Variants in ELOVL7 observed in about 807,000 individuals in gnomAD.
The protein encoded by ELOVL7 is ELOVL fatty acid elongase 7.
A neutral mutation model predicts 35.7 loss-of-function variants in ELOVL7; 27 were observed. That is an observed-to-expected ratio of 0.76 (90% CI 0.56 to 1.04). The LOEUF is 1.04. Among genes scored for constraint, ELOVL7 ranks in the 50% least tolerant of loss-of-function variants. The probability of loss-of-function intolerance (pLI) is 0.00; values close to 1 mark genes in which losing one functional copy is unlikely to be tolerated. For missense variants in ELOVL7, 327 were observed against 340.8 expected (o/e 0.96, Z 0.32); for synonymous variants, 113 against 114.6 (o/e 0.99, Z 0.09).
chr5:60,814,683 C>A (rs1745420407), intron 1 of ELOVL7, among the ~76,000 whole-genome samples: 1 of 152,126 alleles, frequency 6.6e-6, no homozygotes, highest in Non-Finnish European at 1.5e-5. Context: ...AAGGAACTTG[C>A]CCCAGATCAC....
intron 3 of ELOVL7, among the ~76,000 whole-genome samples, chr5:60,780,563 T>C (rs1459206777): frequency 1.3e-5 from 2 of 152,152 alleles, no homozygotes; most frequent in African/African-American, 4.8e-5. Flanking sequence ...ACTGTATTAG[T>C]CCATTCTCAC....
intron 1 of ELOVL7, among the ~76,000 whole-genome samples, chr5:60,842,149 G>T (rs1194418300): frequency 6.6e-6 from 1 of 152,198 alleles, no homozygotes; most frequent in Admixed American, 6.5e-5. Flanking sequence ...GCAGAGAAGG[G>T]CATATGTGTT....
chr5:60,820,930 T>A (rs529702277), intron 1 of ELOVL7, among the ~76,000 whole-genome samples: 21 of 152,314 alleles, frequency 1.4e-4, no homozygotes, highest in Non-Finnish European at 2.9e-4. Context: ...CTGATAAGTC[T>A]GTCTTGTGTT....
At chr5:60,820,064 C>T (rs1745798671) in intron 1 of ELOVL7, among the ~76,000 whole-genome samples, 1 of 152,196 alleles carries the variant, frequency 6.6e-6, no homozygotes, top group Non-Finnish European at 1.5e-5. Context: ...TGCAACTTTG[C>T]TGGCTCTGGG....
intron 3 of ELOVL7, among the ~76,000 whole-genome samples, chr5:60,784,900 G>T (rs1743480716): frequency 6.6e-6 from 1 of 152,144 alleles, no homozygotes; most frequent in African/African-American, 2.4e-5. Flanking sequence ...TATATGAAGA[G>T]AATTTTCAGA....
chr5:60,814,962 A>C (rs554033938), intron 1 of ELOVL7, among the ~76,000 whole-genome samples: 1 of 152,316 alleles, frequency 6.6e-6, no homozygotes, highest in African/African-American at 2.4e-5. Context: ...GAAAAACATC[A>C]CATGAACTAC....
At chr5:60,840,189 AAGAGG>A (rs1451370156) in intron 1 of ELOVL7, among the ~76,000 whole-genome samples, 1 of 152,168 alleles carries the variant, frequency 6.6e-6, no homozygotes, top group Non-Finnish European at 1.5e-5. Context: ...GTGTGCCCCA[AAGAGG>A]ATATGTTGAA....
chr5:60,812,031 C>T (rs142919394), intron 1 of ELOVL7, among the ~76,000 whole-genome samples: 1,590 of 152,168 alleles, frequency 0.01, 21 homozygotes, highest in Non-Finnish European at 0.017. Context: ...GCCTGGACAA[C>T]ACAGGGAGAC....
chr5:60,762,824 T>C (rs1742008917), intron 7 of ELOVL7, among the ~76,000 whole-genome samples: 1 of 152,202 alleles, frequency 6.6e-6, no homozygotes, highest in South Asian at 2.1e-4. Flanking sequence ...ATTTAATACA[T>C]CTGAATATCA....
chr5:60,827,386 A>G (rs1746232633), intron 1 of ELOVL7, among the ~76,000 whole-genome samples: 1 of 152,208 alleles, frequency 6.6e-6, no homozygotes, highest in African/African-American at 2.4e-5. Flanking sequence ...CTGAACATCA[A>G]CAAACAAAAA....
Position 60,757,522 on chromosome 5 carries a change from G to A in ELOVL7, c.623C>T (p.Thr208Ile). Residue 208 changes from threonine (T) to isoleucine (I), a missense_variant, in exon 8 of 9, where the codon ACA (threonine) becomes ATA (isoleucine). Coordinates refer to ENST00000508821, the MANE Select transcript of ELOVL7 (RefSeq NM_024930.3). ...QKYLWWKKYL[T>I]SLQLVQFVIV... ...TTAATTACTCACAAGCTGTAATGAT[G>A]TCAAATATTTTTTCCACCACAAATA... The A allele has an allele frequency of 2.5e-6, 4 of 1,613,204 alleles. No homozygotes were observed. Among genetic ancestry groups the A allele is most frequent in the South Asian group, 2.2e-5 (2 of 90,980 alleles).
At chr5:60,785,743 A>G (rs1743536858) in intron 3 of ELOVL7, 2 of 152,110 alleles carry the variant, frequency 1.3e-5, no homozygotes, top group African/African-American at 2.4e-5. Flanking sequence ...GAAAACTAAG[A>G]AAAAAAAGTT....
At chr5:60,823,642 T>A (rs1746011770) in intron 1 of ELOVL7, among the ~76,000 whole-genome samples, 1 of 151,904 alleles carries the variant, frequency 6.6e-6, no homozygotes. Flanking sequence ...AGGTAGAGGG[T>A]TTTTTAGAGA....
chr5:60,784,766 A>G (rs1023651567), intron 3 of ELOVL7, among the ~76,000 whole-genome samples: 3 of 152,218 alleles, frequency 2.0e-5, no homozygotes, highest in Admixed American at 6.5e-5. Context: ...GAAGGAAAAA[A>G]CTTTCCTGTT....
chr5:60,839,555 G>A (rs1032778954), intron 1 of ELOVL7, among the ~76,000 whole-genome samples: 1 of 152,224 alleles, frequency 6.6e-6, no homozygotes, highest in African/African-American at 2.4e-5. Context: ...AACTGGATGA[G>A]TCACTGAAAC....
At position 60,753,764 on chromosome 5, in the gene ELOVL7, A is replaced by C. The variant is rs1184677775; in HGVS notation, c.*860T>G. The C allele has an allele frequency of 6.6e-6, 1 of 152,254 alleles. No homozygotes were observed. The highest frequency in any genetic ancestry group is 1.5e-5 in the Non-Finnish European group (1 of 68,040). The allele number at this position is 152,254 out of a possible 1,614,324, so 9.4% of individuals were successfully genotyped here. A position where few individuals can be genotyped will look rare whatever the true frequency, so the allele number is the denominator to read the frequency against. On this transcript the variant is annotated 3_prime_UTR_variant, in exon 9 of 9. Coordinates refer to ENST00000508821, the MANE Select transcript of ELOVL7 (RefSeq NM_024930.3). Reference sequence around the variant, plus strand: ...TGACAATGTAAGAAAGTGATGTGATACTATAACAGACAACAGGTTTTTCCC... The same window carrying C: ...TGACAATGTAAGAAAGTGATGTGATCCTATAACAGACAACAGGTTTTTCCC...
intron 2 of ELOVL7, among the ~76,000 whole-genome samples, chr5:60,792,835 A>C (rs1277155296): frequency 6.6e-6 from 1 of 152,224 alleles, no homozygotes; most frequent in African/African-American, 2.4e-5. Flanking sequence ...TTAAAAATCA[A>C]GGCTCTTGTA....
intron 2 of ELOVL7, among the ~76,000 whole-genome samples, chr5:60,790,522 G>A (rs1743873290): frequency 6.6e-6 from 1 of 152,168 alleles, no homozygotes; most frequent in Admixed American, 6.5e-5. Context: ...CCAAGTCCAG[G>A]AAGGCATGTC....
At chr5:60,774,764 CTTTTT>C (rs1441731287) in intron 3 of ELOVL7, among the ~76,000 whole-genome samples, 2 of 136,712 alleles carry the variant, frequency 1.5e-5, no homozygotes. Context: ...ATAAAACTCT[CTTTTT>C]TTTTTTTTTT....
Sources: gnomAD v4.1 joint callset for allele counts (sites outside exome capture counted in the v4.1 genomes callset) on GRCh38, gnomAD v4.1.1 for gene constraint, MANE v1.5 for transcripts, NCBI Gene and HGNC (gene_info 2026-07-23, HGNC 2026-07-21) for gene names.